MAGI2: variants seen among roughly 807,000 people sequenced by gnomAD.
The protein encoded by MAGI2 is membrane associated guanylate kinase, WW and PDZ domain containing 2.
MAGI2 carries 35 observed loss-of-function variants against 133.3 expected under a neutral mutation model. That is an observed-to-expected ratio of 0.26 (90% CI 0.20 to 0.35). The LOEUF is 0.35. Among genes scored for constraint, MAGI2 ranks in the 10% least tolerant of loss-of-function variants. The pLI is 1.00. For synonymous variants in MAGI2, 729 were observed against 710.6 expected, an observed-to-expected ratio of 1.03 and a Z score of -0.41; for missense variants, 1,636 against 1,863.4, an observed-to-expected ratio of 0.88 and a Z score of 2.25.
chr7:78,999,812 T>A (rs952915815), intron 2 of MAGI2, among the ~76,000 whole-genome samples: 8 of 152,200 alleles, frequency 5.3e-5, no homozygotes, highest in African/African-American at 1.9e-4. Context: ...TGGTTAACAC[T>A]GCTAACAACC....
rs569440452 is a variant in MAGI2, at chr7:78,828,063, T to C, written c.418+179027A>G. Among the ~76,000 whole-genome samples the C allele has an allele frequency of 2.6e-5, 4 of 152,266 alleles. No individual in the cohort carries two copies. In the South Asian group the frequency reaches 8.3e-4, roughly 32 times the overall value. The stretch of plus-strand genomic sequence containing the variant: ...CCATGCCCGGCTAATTTTTGTATTT[T>C]TAGTAGAGACAGGGTTTCACCATGT... On this transcript the variant is annotated intron_variant, in intron 2 of 21. Transcript: ENST00000354212.
rs143838838 is a variant in MAGI2 at position 78,480,150 on chromosome 7, A to G, written c.1045+9611T>C. Among the ~76,000 whole-genome samples, 1,198 of 152,046 alleles carry G rather than the reference A, an allele frequency of 7.9e-3. 12 individuals carry two copies. Among genetic ancestry groups the G allele is most frequent in the African/African-American group, 0.028 (1,148 of 41,546 alleles). On this transcript the variant is annotated intron_variant, in intron 6 of 21. Coordinates refer to ENST00000354212, the MANE Select transcript of MAGI2 (RefSeq NM_012301.4). The stretch of plus-strand genomic sequence containing the variant: ...CCAAAACTAACAAGATGAAGTGCAT[A>G]ACCTGAATAATCCTGTAACCATTAA...
chr7:79,023,447 C>A (rs2116716129), intron 1 of MAGI2, among the ~76,000 whole-genome samples: 1 of 152,250 alleles, frequency 6.6e-6, no homozygotes, highest in East Asian at 1.9e-4. Context: ...TCCTCTCTCA[C>A]CACTCCTATT....
At chr7:79,359,508 T>C (rs993985567) in intron 1 of MAGI2, among the ~76,000 whole-genome samples, 2 of 152,008 alleles carry the variant, frequency 1.3e-5, no homozygotes, top group Non-Finnish European at 2.9e-5. Flanking sequence ...AAATCCCAAA[T>C]AGGATAAACT....
At chr7:78,982,162 C>A (rs1804850372) in intron 2 of MAGI2, among the ~76,000 whole-genome samples, 1 of 151,768 alleles carries the variant, frequency 6.6e-6, no homozygotes, top group Non-Finnish European at 1.5e-5. Context: ...TCATCCAGTT[C>A]CTACTTATTT....
chr7:78,299,194 A>G (rs1562782258), intron 9 of MAGI2, among the ~76,000 whole-genome samples: 1 of 152,182 alleles, frequency 6.6e-6, no homozygotes, highest in African/African-American at 2.4e-5. Flanking sequence ...AACGTATGGC[A>G]AATTCTGAAT....
At chr7:79,173,230 C>T (rs1348900794) in intron 1 of MAGI2, among the ~76,000 whole-genome samples, 3 of 151,904 alleles carry the variant, frequency 2.0e-5, no homozygotes, top group African/African-American at 4.8e-5. Flanking sequence ...TCTTAAGAAA[C>T]ATTGCTAATA....
rs145386346 is a variant in MAGI2 at position 78,050,327 on chromosome 7, A to T, written c.3706+28620T>A. ...TGATGGTTTTAGGCCAATGTGATTGACCAGAATTGTAATTTATTTATTTAG... is the reference window on the plus strand; with the variant it reads ...TGATGGTTTTAGGCCAATGTGATTGTCCAGAATTGTAATTTATTTATTTAG... On this transcript the variant is annotated intron_variant, in intron 21 of 21. Coordinates refer to ENST00000354212, the MANE Select transcript of MAGI2 (RefSeq NM_012301.4). 2.6e-3 allele frequency among the ~76,000 whole-genome samples: 392 copies of T among 152,302 alleles called. 2 individuals are homozygous for T. Among genetic ancestry groups the T allele is most frequent in the African/African-American group, 9.0e-3 (373 of 41,568 alleles).
At chr7:78,804,264 G>C (rs1346588990) in intron 2 of MAGI2, among the ~76,000 whole-genome samples, 4 of 152,124 alleles carry the variant, frequency 2.6e-5, no homozygotes, top group East Asian at 1.9e-4. Flanking sequence ...AGTAGTATAA[G>C]TGGGGACAAG....
intron 21 of MAGI2, among the ~76,000 whole-genome samples, chr7:78,043,757 C>T (rs1291689993): frequency 6.6e-6 from 1 of 152,154 alleles, no homozygotes; most frequent in Non-Finnish European, 1.5e-5. Context: ...CAATGCCTTT[C>T]CCTAGAACAC....
intron 21 of MAGI2, among the ~76,000 whole-genome samples, chr7:78,074,372 T>C (rs190401686): frequency 1.3e-5 from 2 of 152,308 alleles, no homozygotes; most frequent in East Asian, 3.9e-4. Flanking sequence ...TTCTCTTGAC[T>C]GAAATCAGCT....
chr7:78,524,555 T>C (rs941689750), intron 3 of MAGI2, among the ~76,000 whole-genome samples: 10 of 152,238 alleles, frequency 6.6e-5, no homozygotes, highest in Non-Finnish European at 1.3e-4. Context: ...CTTATCCACA[T>C]ACTGTAAGTA....
intron 6 of MAGI2, among the ~76,000 whole-genome samples, chr7:78,379,783 C>G (rs1458733361): frequency 6.6e-6 from 1 of 151,882 alleles, no homozygotes; most frequent in Non-Finnish European, 1.5e-5. Flanking sequence ...GGAACACTCG[C>G]CAAAATTGTT....
chr7:78,439,763 A>G (rs1259609442), intron 6 of MAGI2, among the ~76,000 whole-genome samples: 1 of 152,146 alleles, frequency 6.6e-6, no homozygotes, highest in African/African-American at 2.4e-5. Flanking sequence ...TACATACCCT[A>G]ACCTCACTGT....
chr7:78,068,422 C>T (rs967667611), intron 21 of MAGI2, among the ~76,000 whole-genome samples: 4 of 152,024 alleles, frequency 2.6e-5, no homozygotes, highest in Admixed American at 2.6e-4. Flanking sequence ...ACCCTAGTGT[C>T]AACTGTGGAC....
chr7:79,031,962 T>C (rs1157292805), intron 1 of MAGI2, among the ~76,000 whole-genome samples: 3 of 152,164 alleles, frequency 2.0e-5, no homozygotes, highest in African/African-American at 2.4e-5. Context: ...TATGAAACTA[T>C]AGAGAACATA....
intron 4 of MAGI2, among the ~76,000 whole-genome samples, chr7:78,508,934 G>A (rs1457402628): frequency 1.3e-5 from 2 of 150,616 alleles, no homozygotes; most frequent in Non-Finnish European, 2.9e-5. Context: ...CACCAGACTG[G>A]GTGCAGTGGC....
chr7:79,150,945 C>T (rs1269286600), intron 1 of MAGI2, among the ~76,000 whole-genome samples: 1 of 151,970 alleles, frequency 6.6e-6, no homozygotes, highest in Non-Finnish European at 1.5e-5. Flanking sequence ...AAATGTTTCA[C>T]ACTTATTTAT....
At chr7:78,665,153 T>C (rs1813412018) in intron 2 of MAGI2, among the ~76,000 whole-genome samples, 1 of 152,136 alleles carries the variant, frequency 6.6e-6, no homozygotes, top group Middle Eastern at 3.2e-3. Flanking sequence ...TACATATCTA[T>C]GATTATTTTT....
Sources: allele counts gnomAD v4.1 joint callset (sites outside exome capture counted in the v4.1 genomes callset), GRCh38; gene constraint gnomAD v4.1.1; transcripts MANE v1.5; gene names NCBI Gene and HGNC (gene_info 2026-07-23, HGNC 2026-07-21).